SRRM4: variants seen among roughly 807,000 people sequenced by gnomAD.
SRRM4 encodes serine/arginine repetitive matrix 4.
SRRM4 carries 33 observed loss-of-function variants against 68.9 expected under a neutral mutation model. The observed-to-expected ratio is 0.48, with a 90% confidence interval of 0.36 to 0.64. The LOEUF (loss-of-function observed/expected upper bound fraction) is 0.64, where lower values mean the gene tolerates loss of function less well. Among genes scored for constraint, SRRM4 ranks in the 30% least tolerant of loss-of-function variants. The pLI is 0.00. For synonymous variants in SRRM4, 318 were observed against 318.8 expected (o/e 1.00, Z 0.03); for missense variants, 817 against 827.1 (o/e 0.99, Z 0.15).
At chr12:119,036,459 C>T (rs1953627962) in intron 1 of SRRM4, among the ~76,000 whole-genome samples, 1 of 152,184 alleles carries the variant, frequency 6.6e-6, no homozygotes, top group African/African-American at 2.4e-5. Flanking sequence ...ACCCCATATC[C>T]TGCTGCTATT....
chr12:119,053,817 A>C (rs2136018190), intron 1 of SRRM4, among the ~76,000 whole-genome samples: 1 of 152,256 alleles, frequency 6.6e-6, no homozygotes, highest in Admixed American at 6.5e-5. Context: ...ACAGGCATGC[A>C]AAGTGTAATT....
At chr12:119,085,991 T>C (rs1163483579) in intron 1 of SRRM4, among the ~76,000 whole-genome samples, 2 of 152,128 alleles carry the variant, frequency 1.3e-5, no homozygotes, top group South Asian at 4.1e-4. Flanking sequence ...GGGACTTTCA[T>C]GTGGAGAGGT....
At chr12:119,101,294 C>T (rs1954076478) in intron 1 of SRRM4, among the ~76,000 whole-genome samples, 1 of 152,142 alleles carries the variant, frequency 6.6e-6, no homozygotes. Flanking sequence ...GTGACAGTCT[C>T]TTCAAAAGCT....
intron 2 of SRRM4, among the ~76,000 whole-genome samples, chr12:119,105,056 G>A (rs1210423923): frequency 1.4e-5 from 2 of 144,872 alleles, no homozygotes; most frequent in Admixed American, 7.4e-5. Flanking sequence ...ACCTATGAGT[G>A]AGAACATGCG....
Position 118,981,740 on chromosome 12 carries a change from G to C in SRRM4, c.-143G>C. 1.3e-3 allele frequency: 537 copies of C among 418,876 alleles called. No homozygotes were observed. The highest frequency in any genetic ancestry group is 2.6e-3 in the East Asian group (34 of 12,890). 25.9% of individuals were successfully genotyped at this position (418,876 alleles called of 1,614,324 possible). On this transcript the variant is annotated 5_prime_UTR_variant, in exon 1 of 13. Coordinates refer to ENST00000267260, the MANE Select transcript of SRRM4 (RefSeq NM_194286.4). ...CCCGGGCTGGGGCGTCCCATCCCCC[G>C]CCCTGAACTCCGATCTCTCCCACCC... is the stretch of plus-strand genomic sequence containing the variant.
rs554042536 is a variant in SRRM4, at chr12:119,115,858, G to A, written c.366-1079G>A. 7.2e-5 allele frequency among the ~76,000 whole-genome samples: 11 copies of A among 152,198 alleles called. No individual in the cohort carries two copies. In the South Asian group the frequency reaches 2.1e-3, roughly 29 times the overall value. ...TCCCTTCTGCAGACATGTTTTGTTTGACCTGCAAAGTGATTTGATTTTTTT... is the reference window on the plus strand; with the variant it reads ...TCCCTTCTGCAGACATGTTTTGTTTAACCTGCAAAGTGATTTGATTTTTTT... On this transcript the variant is annotated intron_variant, in intron 3 of 12. Coordinates refer to ENST00000267260, the MANE Select transcript of SRRM4 (RefSeq NM_194286.4).
At chr12:118,995,221 C>G (rs1021196710) in intron 1 of SRRM4, among the ~76,000 whole-genome samples, 2 of 152,226 alleles carry the variant, frequency 1.3e-5, no homozygotes, top group African/African-American at 4.8e-5. Flanking sequence ...GATACTGTGA[C>G]AATTTCCATT....
intron 1 of SRRM4, among the ~76,000 whole-genome samples, chr12:118,989,338 A>C (rs1046264735): frequency 1.3e-5 from 2 of 152,146 alleles, no homozygotes; most frequent in Non-Finnish European, 2.9e-5. Flanking sequence ...ACATCAGGAA[A>C]CTTTAAAGAT....
intron 8 of SRRM4, among the ~76,000 whole-genome samples, chr12:119,137,898 G>A (rs1954341051): frequency 6.6e-6 from 1 of 152,092 alleles, no homozygotes; most frequent in South Asian, 2.1e-4. Flanking sequence ...GTCGAGATGG[G>A]AGAGATGGAG....
chr12:119,143,670 G>T (rs1353284158), intron 8 of SRRM4, among the ~76,000 whole-genome samples: 3 of 152,122 alleles, frequency 2.0e-5, no homozygotes, highest in African/African-American at 7.2e-5. Flanking sequence ...TCCAAGTTCT[G>T]TCCAAATAGC....
intron 1 of SRRM4, among the ~76,000 whole-genome samples, chr12:119,095,157 C>T (rs200666000): frequency 8.5e-5 from 13 of 152,274 alleles, no homozygotes; most frequent in Middle Eastern, 3.4e-3. Flanking sequence ...GAAAACGAGT[C>T]GGAATGCCAA....
rs1011661111 is a variant in SRRM4 at position 119,162,123 on chromosome 12, G to A, written c.*5325G>A. 1.3e-5 allele frequency: 2 copies of A among 152,178 alleles called. No homozygotes were observed. The highest frequency in any genetic ancestry group is 2.9e-5 in the Non-Finnish European group (2 of 68,042). 9.4% of individuals were successfully genotyped at this position (152,178 alleles called of 1,614,324 possible). On this transcript the variant is annotated 3_prime_UTR_variant, in exon 13 of 13. Transcript: ENST00000267260. Reference sequence around the variant, plus strand: ...CGTGGGAAATGGGGGCTCAAGCCCTGATGCTATGGACTCCATACTGTTGGA... The same window carrying A: ...CGTGGGAAATGGGGGCTCAAGCCCTAATGCTATGGACTCCATACTGTTGGA...
At chr12:119,121,440 A>G (rs184704621) in intron 5 of SRRM4, among the ~76,000 whole-genome samples, 6 of 152,344 alleles carry the variant, frequency 3.9e-5, no homozygotes, top group Admixed American at 3.9e-4. Flanking sequence ...CTCAAAAAAT[A>G]ATTTAAACGC....
intron 8 of SRRM4, among the ~76,000 whole-genome samples, chr12:119,138,282 A>G (rs903199732): frequency 2.6e-5 from 4 of 152,200 alleles, no homozygotes. Context: ...TAAGGGAGCT[A>G]ACGAAAGCAT....
chr12:118,999,898 T>A (rs556880259), intron 1 of SRRM4, among the ~76,000 whole-genome samples: 12 of 152,332 alleles, frequency 7.9e-5, no homozygotes, highest in Admixed American at 4.6e-4. Flanking sequence ...ATTTGTGCCT[T>A]AGAGTGGTGC....
Position 119,024,038 on chromosome 12 carries a change from T to G in SRRM4, c.131+42025T>G, listed in dbSNP as rs184873048. ...CTGCATGTTACCTATCACATTTATT[T>G]TTATTTATTTATGTGATTATTTGTT... is the stretch of plus-strand genomic sequence containing the variant. On this transcript the variant is annotated intron_variant, in intron 1 of 12. Transcript: ENST00000267260. 2.3e-3 allele frequency among the ~76,000 whole-genome samples: 357 copies of G among 152,308 alleles called. 1 individual carries two copies. Among genetic ancestry groups the G allele is most frequent in the Non-Finnish European group, 3.5e-3 (237 of 68,024 alleles).
At chr12:119,097,309 G>A (rs1316158170) in intron 1 of SRRM4, among the ~76,000 whole-genome samples, 3 of 152,218 alleles carry the variant, frequency 2.0e-5, no homozygotes, top group Non-Finnish European at 4.4e-5. Flanking sequence ...GCAGCGTTGA[G>A]TGACCTCAGA....
At chr12:118,988,879 C>T (rs1310183407) in intron 1 of SRRM4, among the ~76,000 whole-genome samples, 2 of 151,960 alleles carry the variant, frequency 1.3e-5, no homozygotes, top group African/African-American at 4.8e-5. Context: ...CAGCATGATC[C>T]CTGAGTGAAG....
intron 1 of SRRM4, among the ~76,000 whole-genome samples, chr12:119,013,358 T>G (rs191037864): frequency 6.6e-6 from 1 of 152,326 alleles, no homozygotes; most frequent in East Asian, 1.9e-4. Flanking sequence ...AATGATATGA[T>G]TTTCAGATTT....
Sources: allele counts gnomAD v4.1 joint callset (sites outside exome capture counted in the v4.1 genomes callset), GRCh38; gene constraint gnomAD v4.1.1; transcripts MANE v1.5; gene names NCBI Gene and HGNC (gene_info 2026-07-23, HGNC 2026-07-21).